The following RICTOR variants were observed in gnomAD, a reference collection of about 807,000 sequenced individuals.
RICTOR encodes the protein rapamycin-insensitive companion of mTOR.
In RICTOR, 49 loss-of-function variants were observed where a neutral mutation model predicts 214.9. The observed-to-expected ratio is 0.23, with a 90% CI of 0.18 to 0.29. The LOEUF (loss-of-function observed/expected upper bound fraction) is 0.29, where lower values mean the gene tolerates loss of function less well. Among genes scored for constraint, RICTOR ranks in the 10% least tolerant of loss-of-function variants. The pLI, the probability that RICTOR is intolerant of heterozygous loss-of-function variation, is 1.00. For synonymous variants in RICTOR, 717 were observed against 711.3 expected (o/e 1.01, Z -0.13); for missense variants, 1,625 against 2,047.0 (o/e 0.79, Z 3.98).
At chr5:38,953,939 T>C (rs1366877688) in intron 27 of RICTOR, among the ~76,000 whole-genome samples, 1 of 151,900 alleles carries the variant, frequency 6.6e-6, no homozygotes, top group Non-Finnish European at 1.5e-5. Flanking sequence ...AAACAGAAAG[T>C]AAATTAGTGC....
At chr5:38,965,735 AT>A (rs1353938197) in intron 15 of RICTOR, among the ~76,000 whole-genome samples, 1 of 152,086 alleles carries the variant, frequency 6.6e-6, no homozygotes, top group African/African-American at 2.4e-5. Flanking sequence ...AGAAAGTTAA[AT>A]TAAATTCTGC....
chr5:39,016,730 G>A (rs1580109191), intron 3 of RICTOR, among the ~76,000 whole-genome samples: 1 of 152,106 alleles, frequency 6.6e-6, no homozygotes, highest in South Asian at 2.1e-4. Context: ...AGGCTTTTAA[G>A]CCACTCCTGT....
At chr5:38,993,851 A>G (rs1322153107) in intron 6 of RICTOR, among the ~76,000 whole-genome samples, 5 of 152,162 alleles carry the variant, frequency 3.3e-5, no homozygotes, top group African/African-American at 9.7e-5. Flanking sequence ...GGTTCAATAT[A>G]CATAAACTTT....
chr5:38,975,658 G>A, intron 9 of RICTOR, 54 bp from the exon 10 acceptor site: 3 of 1,387,586 alleles, frequency 2.2e-6, no homozygotes, highest in Non-Finnish European at 3.1e-6. Flanking sequence ...ATGTTAAAAT[G>A]AGTTTTTTCC....
In RICTOR at chr5:38,991,446, C is replaced by T. The variant is rs372474255; in HGVS notation, c.457-371G>A. Among the ~76,000 whole-genome samples the T allele has an allele frequency of 3.4e-4, 51 of 152,154 alleles. No individual in the cohort carries two copies. In the East Asian group the frequency reaches 7.1e-3, roughly 21 times the overall value. The stretch of plus-strand genomic sequence containing the variant: ...TAGTCAATATACTACTGTACTTTTA[C>T]GATCCTGACCAACTCTCCATATACC... On this transcript the variant is annotated intron_variant, in intron 6 of 37. Transcript: ENST00000357387.
chr5:38,986,445 C>A (rs1752178078), intron 7 of RICTOR, among the ~76,000 whole-genome samples: 1 of 152,012 alleles, frequency 6.6e-6, no homozygotes, highest in Non-Finnish European at 1.5e-5. Context: ...TTAGTAGATT[C>A]TATAATATTA....
chr5:39,041,370 ATAAGT>A lies in RICTOR; in HGVS notation c.98-20239_98-20235del, dbSNP rs1336407600. Among the ~76,000 whole-genome samples, 7 of 152,298 alleles carry A rather than the reference ATAAGT, an allele frequency of 4.6e-5. No homozygotes were observed. The Middle Eastern group carries it at 0.01, about 222-fold the overall frequency. ...AGCTAGATTCCAACAGCTTTCTAAG[ATAAGT>A]TAACTTAACTTAGAAAGATAAAAGT... On this transcript the variant is annotated intron_variant, in intron 2 of 37. Transcript: ENST00000357387.
intron 2 of RICTOR, among the ~76,000 whole-genome samples, chr5:39,025,003 T>C (rs1184017817): frequency 6.6e-6 from 1 of 152,174 alleles, no homozygotes. Context: ...GGAAGAAAAC[T>C]GATTACAACA....
At chr5:38,989,027 G>T (rs1243843842) in intron 7 of RICTOR, among the ~76,000 whole-genome samples, 2 of 152,050 alleles carry the variant, frequency 1.3e-5, no homozygotes, top group Non-Finnish European at 2.9e-5. Flanking sequence ...AATTTCATAT[G>T]GAACCAAAAA....
chr5:39,006,681 G>GGGAGGGAAGGGGAAGGGAGA, intron 3 of RICTOR, among the ~76,000 whole-genome samples: 1 of 138,372 alleles, frequency 7.2e-6, no homozygotes, highest in Admixed American at 7.2e-5. Context: ...AGGAAATAAG[G>GGGAGGGAAGGGGAAGGGAGA]GGAGGGAAGG....
At position 38,941,360 on chromosome 5, in the gene RICTOR, T is replaced by C. The variant is rs1018063244; in HGVS notation, c.*944A>G. The C allele has an allele frequency of 4.7e-5, 11 of 231,630 alleles. No homozygotes were observed. The highest frequency in any genetic ancestry group is 8.8e-5 in the African/African-American group (4 of 45,250). 14.3% of individuals were successfully genotyped at this position (231,630 alleles called of 1,614,324 possible). A position where few individuals can be genotyped will look rare whatever the true frequency, so the allele number is the denominator to read the frequency against. On this transcript the variant is annotated 3_prime_UTR_variant, in exon 38 of 38. Transcript: ENST00000357387. ...AGGAAATATGGCTCTTCTTTCCCCA[T>C]GGAATGTGTAAATTGCAAGCAAACT...
At chr5:38,990,017 T>C (rs1028882989) in intron 7 of RICTOR, among the ~76,000 whole-genome samples, 5 of 152,014 alleles carry the variant, frequency 3.3e-5, no homozygotes, top group African/African-American at 1.2e-4. Context: ...TTACAACTCA[T>C]TGTACTATAG....
chr5:38,961,046 G>A (rs2150020034), intron 19 of RICTOR, among the ~76,000 whole-genome samples: 1 of 152,012 alleles, frequency 6.6e-6, no homozygotes, highest in African/African-American at 2.4e-5. Context: ...ATAAATAACT[G>A]CCAGTCTCAG....
At chr5:39,070,824 G>A (rs1376791673) in intron 2 of RICTOR, among the ~76,000 whole-genome samples, 2 of 152,128 alleles carry the variant, frequency 1.3e-5, no homozygotes, top group Non-Finnish European at 2.9e-5. Context: ...CAGTACAAAT[G>A]GCGAGAGGAA....
rs1561426227 is a variant in RICTOR, at chr5:38,940,144, A to AAAAAAAAAAAAC, written c.*2159_*2160insGTTTTTTTTTTT. On this transcript the variant is annotated 3_prime_UTR_variant, in exon 38 of 38. Coordinates refer to ENST00000357387, the MANE Select transcript of RICTOR (RefSeq NM_152756.5). ...CAAAGTAACAGTAAAAAAAAAAAACAAAAAAAAAAACACAAAACATTCAGG... is the reference window on the plus strand; with the variant it reads ...CAAAGTAACAGTAAAAAAAAAAAACAAAAAAAAAAAACAAAAAAAAAACACAAAACATTCAGG... 5.7e-5 allele frequency: 8 copies of AAAAAAAAAAAAC among 140,866 alleles called. No homozygotes were observed. Among genetic ancestry groups the AAAAAAAAAAAAC allele is most frequent in the South Asian group, 2.9e-4 (1 of 3,454 alleles). The allele number at this position is 140,866 out of a possible 1,614,324, so 8.7% of individuals were successfully genotyped here.
In RICTOR at chr5:38,958,735, G is replaced by C; in HGVS notation, c.2275C>G (p.Leu759Val). ...NWGIELLVTQ[L>V]HDKNKTISSE... The stretch of plus-strand genomic sequence containing the variant: ...GAAATCGTTTTGTTTTTATCATGTA[G>C]CTGGGTCACTAACAACTCAATTCCC... The change falls in exon 23 of 38, where the codon CTA (leucine) becomes GTA (valine). Residue 759 changes from leucine (L) to valine (V), a missense_variant. Around this residue, in one of 5 missense-constraint regions of RICTOR, gnomAD observed 1,214 missense variants for 1,470.5 expected, o/e 0.83. Coordinates refer to ENST00000357387, the MANE Select transcript of RICTOR (RefSeq NM_152756.5). The C allele has an allele frequency of 6.2e-7, 1 of 1,611,776 alleles. No homozygotes were observed. The highest frequency in any genetic ancestry group is 8.5e-7 in the Non-Finnish European group (1 of 1,178,668).
intron 2 of RICTOR, among the ~76,000 whole-genome samples, chr5:39,034,367 A>G (rs1220560983): frequency 6.6e-6 from 1 of 152,264 alleles, no homozygotes; most frequent in African/African-American, 2.4e-5. Context: ...GAATGGCTCC[A>G]GTCTACAGCT....
At chr5:38,951,304 A>C (rs1436713730) in intron 30 of RICTOR, among the ~76,000 whole-genome samples, 3 of 152,020 alleles carry the variant, frequency 2.0e-5, no homozygotes, top group Admixed American at 2.0e-4. Context: ...AATGACATCT[A>C]TACGATTTTT....
At chr5:39,008,923 T>A (rs949854880) in intron 3 of RICTOR, among the ~76,000 whole-genome samples, 2 of 151,940 alleles carry the variant, frequency 1.3e-5, no homozygotes, top group Non-Finnish European at 2.9e-5. Flanking sequence ...TATTCAAATA[T>A]ATATAATATA....
Sources: allele counts gnomAD v4.1 joint callset (sites outside exome capture counted in the v4.1 genomes callset), GRCh38; gene constraint gnomAD v4.1.1; regional missense constraint gnomAD v4.1.1; transcripts MANE v1.5; gene names NCBI Gene and HGNC (gene_info 2026-07-23, HGNC 2026-07-21).